The following STPG2 variants were observed in gnomAD, a reference collection of about 807,000 sequenced individuals.
The protein encoded by STPG2 is sperm tail PG-rich repeat containing 2, also known as sperm-tail PG-rich repeat-containing protein 2.
STPG2 carries 56 observed loss-of-function variants against 54.2 expected under a neutral mutation model. That is an observed-to-expected ratio of 1.03 (90% CI 0.83 to 1.29). The LOEUF (loss-of-function observed/expected upper bound fraction) is 1.29, where lower values mean the gene tolerates loss of function less well. Among genes scored for constraint, STPG2 ranks in the 50% most tolerant of loss-of-function variants. The pLI, the probability that STPG2 is intolerant of heterozygous loss-of-function variation, is 0.00. For missense variants in STPG2, 596 were observed against 544.9 expected (o/e 1.09, Z -0.93); for synonymous variants, 200 against 181.8 (o/e 1.10, Z -0.81).
intron 9 of STPG2, among the ~76,000 whole-genome samples, chr4:97,835,560 G>A (rs1264305417): frequency 2.0e-5 from 3 of 152,082 alleles, no homozygotes; most frequent in Non-Finnish European, 4.4e-5. Context: ...AAGGAAATTA[G>A]TGTTATTTTC....
intron 8 of STPG2, among the ~76,000 whole-genome samples, chr4:97,841,411 T>C (rs191513277): frequency 4.0e-5 from 6 of 151,846 alleles, no homozygotes; most frequent in African/African-American, 1.4e-4. Context: ...TGGTTCTTTA[T>C]ATGAACTGCA....
intron 3 of STPG2, among the ~76,000 whole-genome samples, chr4:98,127,862 A>T (rs1739873068): frequency 6.6e-6 from 1 of 152,218 alleles, no homozygotes; most frequent in Admixed American, 6.5e-5. Flanking sequence ...GGAATAAATG[A>T]TGTTTACATT....
chr4:97,459,684 G>A (rs1273787519), intron 4 of STPG2, among the ~76,000 whole-genome samples: 5 of 151,980 alleles, frequency 3.3e-5, no homozygotes, highest in Admixed American at 6.6e-5. Context: ...CTCGTGATCC[G>A]CCTGCCTCGG....
At chr4:97,793,869 G>A (rs1453464092) in intron 9 of STPG2, among the ~76,000 whole-genome samples, 5 of 152,082 alleles carry the variant, frequency 3.3e-5, no homozygotes, top group Middle Eastern at 3.4e-3. Flanking sequence ...TGAAATAGGG[G>A]TGGAGATGTA....
Position 97,858,302 on chromosome 4 carries a change from G to GA in STPG2, c.1045-17371dup, listed in dbSNP as rs1284944172. Among the ~76,000 whole-genome samples the GA allele has an allele frequency of 1.8e-4, 28 of 151,356 alleles. No homozygotes were observed. The South Asian group carries it at 5.4e-3, about 29-fold the overall frequency. ...AGAAAGAACCCTAAAAGCAGCAAGA[G>GA]AAAAAAAACAAATAACATAGAATGG... On this transcript the variant is annotated intron_variant, in intron 8 of 10. Transcript: ENST00000295268.
intron 8 of STPG2, among the ~76,000 whole-genome samples, chr4:97,938,253 A>C (rs1220165070): frequency 1.3e-5 from 2 of 152,184 alleles, no homozygotes; most frequent in African/African-American, 4.8e-5. Flanking sequence ...CAGGAAAAAA[A>C]CAGCTGCCTG....
chr4:97,472,449 CA>C (rs1168059869), intron 4 of STPG2, among the ~76,000 whole-genome samples: 3 of 152,154 alleles, frequency 2.0e-5, no homozygotes. Context: ...AGCCATTTTG[CA>C]ACATGTGAGA....
At chr4:97,576,385 C>G (rs898499836) in intron 10 of STPG2, among the ~76,000 whole-genome samples, 2 of 151,388 alleles carry the variant, frequency 1.3e-5, no homozygotes, top group Non-Finnish European at 2.9e-5. Context: ...GCTATGGTAA[C>G]CAAAACAGCA....
At chr4:97,782,811 C>T (rs1726691523) in intron 9 of STPG2, among the ~76,000 whole-genome samples, 2 of 152,012 alleles carry the variant, frequency 1.3e-5, no homozygotes, top group Non-Finnish European at 1.5e-5. Context: ...ACAAACCTGA[C>T]AAAAACAAGA....
intron 9 of STPG2, among the ~76,000 whole-genome samples, chr4:97,796,382 G>A (rs1466644639): frequency 6.6e-6 from 1 of 152,150 alleles, no homozygotes; most frequent in African/African-American, 2.4e-5. Flanking sequence ...TTTTTATAAG[G>A]TGTAAGGAAG....
chr4:98,128,613 A>G, intron 2 of STPG2, 21 bp from the exon 3 acceptor site: 2 of 1,539,184 alleles, frequency 1.3e-6, no homozygotes, highest in East Asian at 2.3e-5. Context: ...AACATTTTAT[A>G]TTATTTATTC....
intron 10 of STPG2, among the ~76,000 whole-genome samples, chr4:97,575,389 C>T (rs1370324123): frequency 6.6e-6 from 1 of 152,004 alleles, no homozygotes; most frequent in East Asian, 1.9e-4. Flanking sequence ...ACTAGCAAAC[C>T]AAATCCAGCA....
rs144755579 is a variant in STPG2 at position 98,050,034 on chromosome 4, TGAA to T, written c.612+55916_612+55918del. Among the ~76,000 whole-genome samples, 266 of 152,178 alleles carry T rather than the reference TGAA, an allele frequency of 1.7e-3. 2 individuals carry two copies. The highest frequency in any genetic ancestry group is 6.0e-3 in the African/African-American group (248 of 41,542). ...ACTTATTTTGATAAATATAATATAA[TGAA>T]GAGATAGAGAGGAAGCATATGTATT... is the stretch of plus-strand genomic sequence containing the variant. On this transcript the variant is annotated intron_variant, in intron 5 of 10. Coordinates refer to ENST00000295268, the MANE Select transcript of STPG2 (RefSeq NM_174952.3).
At chr4:97,444,651 C>G (rs1729173241) in intron 4 of STPG2, among the ~76,000 whole-genome samples, 2 of 151,942 alleles carry the variant, frequency 1.3e-5, no homozygotes, top group Admixed American at 1.3e-4. Context: ...AGACAGAAGA[C>G]TAATAATCTA....
intron 4 of STPG2, among the ~76,000 whole-genome samples, chr4:97,467,565 C>T (rs1313035889): frequency 1.3e-5 from 2 of 151,748 alleles, no homozygotes; most frequent in Admixed American, 6.6e-5. Context: ...CCACAAGGCA[C>T]ATTAATAATA....
chr4:97,595,620 G>GA (rs900163067), intron 10 of STPG2, among the ~76,000 whole-genome samples: 4 of 149,466 alleles, frequency 2.7e-5, no homozygotes, highest in Middle Eastern at 3.4e-3. Context: ...AACAAAAAAA[G>GA]AAAAAAAAAG....
chr4:97,674,179 C>T (rs1041776746), intron 10 of STPG2, among the ~76,000 whole-genome samples: 1 of 152,074 alleles, frequency 6.6e-6, no homozygotes, highest in Non-Finnish European at 1.5e-5. Context: ...TGTGTGGTCC[C>T]TCTAATCAGA....
chr4:97,966,951 C>T (rs1734122956), intron 7 of STPG2, among the ~76,000 whole-genome samples: 1 of 152,114 alleles, frequency 6.6e-6, no homozygotes, highest in Non-Finnish European at 1.5e-5. Flanking sequence ...ACAGCATCAA[C>T]TAATGGGCAA....
chr4:97,478,873 A>ATGTGTGTGTG (rs35662485), intron 4 of STPG2, among the ~76,000 whole-genome samples: 5 of 134,038 alleles, frequency 3.7e-5, no homozygotes, highest in South Asian at 5.3e-4. Context: ...CAAGCCAAAT[A>ATGTGTGTGTG]TGTGTGTGTG....
Sources: allele counts gnomAD v4.1 joint callset (sites outside exome capture counted in the v4.1 genomes callset), GRCh38; gene constraint gnomAD v4.1.1; transcripts MANE v1.5; gene names NCBI Gene and HGNC (gene_info 2026-07-23, HGNC 2026-07-21).